Variants in NDUFS1 observed in about 807,000 individuals in gnomAD.
NDUFS1 encodes NADH:ubiquinone oxidoreductase core subunit S1.
In NDUFS1, 61 loss-of-function variants were observed where a neutral mutation model predicts 84.4. That is an observed-to-expected ratio of 0.72 (90% confidence interval 0.59 to 0.89). NDUFS1 has a LOEUF of 0.89. Among genes scored for constraint, NDUFS1 ranks in the 40% least tolerant of loss-of-function variants. The pLI is 0.00. For synonymous variants in NDUFS1, 275 were observed against 290.0 expected, an observed-to-expected ratio of 0.95 and a Z score of 0.53; for missense variants, 891 against 890.0, an observed-to-expected ratio of 1.00 and a Z score of -0.01.
rs553282579 is a variant in NDUFS1, at chr2:206,120,782, G to A, written c.*3403C>T. ...ACAGACTAGTCATGTGGCAGAGAAG[G>A]AAAAAGCACTTTGAGGAGAGGAATA... On this transcript the variant is annotated 3_prime_UTR_variant, in exon 19 of 19. Transcript: ENST00000233190. The A allele has an allele frequency of 1.3e-5, 2 of 152,324 alleles. No individual in the cohort carries two copies. The highest frequency in any genetic ancestry group is 4.1e-4 in the South Asian group (2 of 4,826). The allele number at this position is 152,324 out of a possible 1,614,324, so 9.4% of individuals were successfully genotyped here. A position where few individuals can be genotyped will look rare whatever the true frequency, so the allele number is the denominator to read the frequency against.
At chr2:206,154,287 C>G (rs559143846) in intron 1 of NDUFS1, among the ~76,000 whole-genome samples, 1 of 152,344 alleles carries the variant, frequency 6.6e-6, no homozygotes, top group Admixed American at 6.5e-5. Flanking sequence ...TACCTATCCA[C>G]CAGGCTGGCA....
At position 206,116,462 on chromosome 2, in the gene NDUFS1, G is replaced by T. The variant is rs1185660180; in HGVS notation, c.*7723C>A. ...GTGCCAGGACCACGTGCAGGCTGCA[G>T]AGCACGGCCCGCACGCTCCGCACCA... On this transcript the variant is annotated 3_prime_UTR_variant, in exon 19 of 19. Coordinates refer to ENST00000233190, the MANE Select transcript of NDUFS1 (RefSeq NM_005006.7). The T allele has an allele frequency of 3.6e-6, 4 of 1,102,434 alleles. No homozygotes were observed. In the East Asian group the frequency reaches 1.0e-4, roughly 28 times the overall value. 68.3% of individuals were successfully genotyped at this position (1,102,434 alleles called of 1,614,324 possible).
Position 206,147,746 on chromosome 2 carries a change from T to A in NDUFS1, c.420+7A>T. 1 of 1,613,892 alleles carries A rather than the reference T, an allele frequency of 6.2e-7. No individual in the cohort carries two copies. Among genetic ancestry groups the A allele is most frequent in the Non-Finnish European group, 8.5e-7 (1 of 1,179,824 alleles). On this transcript the variant is annotated splice_region_variant and intron_variant, in intron 6 of 18. Transcript: ENST00000233190. ...ACCAAAAAGATTGACAGAATTCTAC[T>A]ACATACCTGCAGATCACATTCACCT...
chr2:206,147,861 T>C (rs1310272775), intron 5 of NDUFS1, 27 bp from the exon 6 acceptor site: 10 of 1,582,882 alleles, frequency 6.3e-6, no homozygotes, highest in African/African-American at 1.3e-5. Context: ...ACATATAAAA[T>C]GACTCTCAAA....
rs183323175 is a variant in NDUFS1, at chr2:206,136,839, T to C, written c.1392+1646A>G. Reference sequence around the variant, plus strand: ...GGTGCAATCTTGGCTCACCACAACCTCCACCTCTCAGGTTCAAGCGATTCT... The same window carrying C: ...GGTGCAATCTTGGCTCACCACAACCCCCACCTCTCAGGTTCAAGCGATTCT... On this transcript the variant is annotated intron_variant, in intron 13 of 18. Transcript: ENST00000233190. Among the ~76,000 whole-genome samples the C allele has an allele frequency of 3.3e-3, 494 of 151,890 alleles. 5 individuals carry two copies. The highest frequency in any genetic ancestry group is 0.011 in the African/African-American group (471 of 41,420).
In NDUFS1 at chr2:206,152,525, T is replaced by C; in HGVS notation, c.62-15A>G. 1 of 1,609,902 alleles carries C rather than the reference T, an allele frequency of 6.2e-7. No homozygotes were observed. Among genetic ancestry groups the C allele is most frequent in the South Asian group, 1.1e-5 (1 of 90,984 alleles). The stretch of plus-strand genomic sequence containing the variant: ...AGTTGTTCGAACTGACCATCAAAGA[T>C]ATTGAAGCGAAAAACAGATTAACAG... On this transcript the variant is annotated splice_polypyrimidine_tract_variant and intron_variant, in intron 2 of 18. Coordinates refer to ENST00000233190, the MANE Select transcript of NDUFS1 (RefSeq NM_005006.7).
chr2:206,128,197 G>C, intron 15 of NDUFS1, among the ~76,000 whole-genome samples: 1 of 151,766 alleles, frequency 6.6e-6, no homozygotes, highest in Middle Eastern at 3.2e-3. Context: ...ATGGAGTCTC[G>C]CTCTGTCGCC....
At chr2:206,152,154 C>A (rs1692394806) in intron 3 of NDUFS1, among the ~76,000 whole-genome samples, 1 of 152,172 alleles carries the variant, frequency 6.6e-6, no homozygotes, top group Non-Finnish European at 1.5e-5. Context: ...AGCCACTGCG[C>A]TCGGACTTCA....
In NDUFS1 at chr2:206,118,546, A is replaced by C. The variant is rs535829294; in HGVS notation, c.*5639T>G. The C allele has an allele frequency of 2.8e-4, 43 of 152,424 alleles. No homozygotes were observed. Among genetic ancestry groups the C allele is most frequent in the African/African-American group, 8.9e-4 (37 of 41,558 alleles). The allele number at this position is 152,424 out of a possible 1,614,324, so 9.4% of individuals were successfully genotyped here. A position where few individuals can be genotyped will look rare whatever the true frequency, so the allele number is the denominator to read the frequency against. ...GAGACTGAAGTGGGAGGATGGCTTG[A>C]GCCCAGGAGATGGAGGTTGCAGTGT... is the stretch of plus-strand genomic sequence containing the variant. On this transcript the variant is annotated 3_prime_UTR_variant, in exon 19 of 19. Transcript: ENST00000233190.
chr2:206,148,858 T>C (rs936677398), intron 5 of NDUFS1, among the ~76,000 whole-genome samples, 162 bp downstream of exon 5: 3 of 152,228 alleles, frequency 2.0e-5, no homozygotes, highest in Non-Finnish European at 2.9e-5. Context: ...TGACTTCACC[T>C]TCTCTACTAT....
At chr2:206,128,952 C>A (rs1266016449) in intron 15 of NDUFS1, among the ~76,000 whole-genome samples, 1 of 151,774 alleles carries the variant, frequency 6.6e-6, no homozygotes, top group Non-Finnish European at 1.5e-5. Context: ...GTAAAGTAGA[C>A]TGAAATGGGG....
In NDUFS1 at chr2:206,115,959, G is replaced by C. The variant is rs1315969103; in HGVS notation, c.*8226C>G. The stretch of plus-strand genomic sequence containing the variant: ...TCTACAATCATTAGAAAGTTAAAAG[G>C]CATCTTCTTTCATTAGCAGTGTTAA... On this transcript the variant is annotated 3_prime_UTR_variant, in exon 19 of 19. Coordinates refer to ENST00000233190, the MANE Select transcript of NDUFS1 (RefSeq NM_005006.7). 11 of 681,844 alleles carry C rather than the reference G, an allele frequency of 1.6e-5. No individual in the cohort carries two copies. The highest frequency in any genetic ancestry group is 5.4e-5 in the African/African-American group (3 of 55,580). The allele number at this position is 681,844 out of a possible 1,614,324, so 42.2% of individuals were successfully genotyped here.
chr2:206,115,962 T>G lies in NDUFS1; in HGVS notation c.*8223A>C, dbSNP rs2105932140. ...ACAATCATTAGAAAGTTAAAAGGCA[T>G]CTTCTTTCATTAGCAGTGTTAACAG... On this transcript the variant is annotated 3_prime_UTR_variant, in exon 19 of 19. Coordinates refer to ENST00000233190, the MANE Select transcript of NDUFS1 (RefSeq NM_005006.7). 1.5e-6 allele frequency: 1 copy of G among 684,966 alleles called. No individual in the cohort carries two copies. The highest frequency in any genetic ancestry group is 2.7e-6 in the Non-Finnish European group (1 of 372,900). 42.4% of individuals were successfully genotyped at this position (684,966 alleles called of 1,614,324 possible).
At chr2:206,152,307 T>C (rs2105981667) in intron 3 of NDUFS1, 112 bp downstream of exon 3, 1 of 790,936 alleles carries the variant, frequency 1.3e-6, no homozygotes, top group East Asian at 2.7e-5. Context: ...ATAACTTTGC[T>C]GTGTATAGTT....
In NDUFS1 at chr2:206,145,014, G is replaced by A. The variant is rs1416936946; in HGVS notation, c.750C>T (p.Ser250=). The A allele has an allele frequency of 1.9e-6, 3 of 1,613,556 alleles. No individual in the cohort carries two copies. In the East Asian group the frequency reaches 6.7e-5, roughly 36 times the overall value. The change falls in exon 9 of 19, where the codon TCC becomes TCT. Residue 250 remains serine, a synonymous_variant. Transcript: ENST00000233190. ...ARPWETRKTE[S]IDVMDAVGSN... Reference sequence around the variant, plus strand: ...TTCCAACCGCATCCATTACATCAATGGATTCTGTCTTTCTGAGAAACACAT... The same window carrying A: ...TTCCAACCGCATCCATTACATCAATAGATTCTGTCTTTCTGAGAAACACAT...
In NDUFS1 at chr2:206,149,933, TAAAAAA is replaced by T. The variant is rs568965659; in HGVS notation, c.154-14_154-9del. The T allele has an allele frequency of 0.011, 6,766 of 598,208 alleles. 1 individual carries two copies. Among genetic ancestry groups the T allele is most frequent in the Middle Eastern group, 0.016 (30 of 1,878 alleles). The allele number at this position is 598,208 out of a possible 1,614,324, so 37.1% of individuals were successfully genotyped here. A position where few individuals can be genotyped will look rare whatever the true frequency, so the allele number is the denominator to read the frequency against. ...GCCAACCTTCTCACAAGCCTAGAAG[TAAAAAA>T]AAAAAAAAAAAAAAAAAAAGCATTA... On this transcript the variant is annotated splice_polypyrimidine_tract_variant and intron_variant, in intron 3 of 18. Transcript: ENST00000233190.
rs1395059748 is a variant in NDUFS1, at chr2:206,118,745, G to C, written c.*5440C>G. The C allele has an allele frequency of 2.0e-5, 3 of 151,376 alleles. No individual in the cohort carries two copies. The highest frequency in any genetic ancestry group is 4.4e-5 in the Non-Finnish European group (3 of 67,874). 9.4% of individuals were successfully genotyped at this position (151,376 alleles called of 1,614,324 possible). ...GGCGGGTGAATCACCTGAGGTCAGGGGTTCAAGACCAGCCTGACCAATATG... is the reference window on the plus strand; with the variant it reads ...GGCGGGTGAATCACCTGAGGTCAGGCGTTCAAGACCAGCCTGACCAATATG... On this transcript the variant is annotated 3_prime_UTR_variant, in exon 19 of 19. Transcript: ENST00000233190.
chr2:206,140,922 GTATA>G (rs142969226), intron 12 of NDUFS1, among the ~76,000 whole-genome samples: 156 of 127,928 alleles, frequency 1.2e-3, no homozygotes, highest in African/African-American at 3.9e-3. Context: ...TATGTAGTGT[GTATA>G]TATATATATA....
intron 8 of NDUFS1, among the ~76,000 whole-genome samples, chr2:206,145,777 T>A (rs1301781771): frequency 1.3e-5 from 2 of 152,232 alleles, no homozygotes; most frequent in African/African-American, 4.8e-5. Flanking sequence ...CGGGGCAGGC[T>A]GTGAAGATGA....
Sources: gnomAD v4.1 joint callset for allele counts (sites outside exome capture counted in the v4.1 genomes callset) on GRCh38, gnomAD v4.1.1 for gene constraint, MANE v1.5 for transcripts, NCBI Gene and HGNC (gene_info 2026-07-23, HGNC 2026-07-21) for gene names.